TYW1B: variants seen among roughly 807,000 people sequenced by gnomAD.
TYW1B encodes tRNA-yW synthesizing protein 1 homolog B.
TYW1B carries 73 observed loss-of-function variants against 86.9 expected under a neutral mutation model. The ratio of observed to expected loss-of-function variants is 0.84; its 90% CI spans 0.70 to 1.02. The LOEUF (loss-of-function observed/expected upper bound fraction) is 1.02. Among genes scored for constraint, TYW1B ranks in the 50% least tolerant of loss-of-function variants. The pLI, the probability that TYW1B is intolerant of heterozygous loss-of-function variation, is 0.00. For synonymous variants in TYW1B, 248 were observed against 292.8 expected (o/e 0.85, Z 1.56); for missense variants, 637 against 827.4 (o/e 0.77, Z 2.82).
At chr7:72,824,577 C>T (rs1554481115) in intron 2 of TYW1B, among the ~76,000 whole-genome samples, 3 of 151,900 alleles carry the variant, frequency 2.0e-5, no homozygotes, top group South Asian at 4.2e-4. Flanking sequence ...CTCGTCTCTA[C>T]TAAAAATACA....
chr7:72,620,497 C>T (rs1488750531), intron 12 of TYW1B, among the ~76,000 whole-genome samples: 2 of 152,108 alleles, frequency 1.3e-5, no homozygotes, highest in Non-Finnish European at 2.9e-5. Flanking sequence ...GAGGCTGCAC[C>T]GTGACAGAAA....
chr7:72,722,975 T>G (rs1392953127), intron 9 of TYW1B: 2 of 700,268 alleles, frequency 2.9e-6, no homozygotes, highest in African/African-American at 3.6e-5. Context: ...CCAGATGCCC[T>G]GCACTGGATA....
At chr7:72,824,037 GCT>G (rs1226090348) in intron 2 of TYW1B, among the ~76,000 whole-genome samples, 1 of 151,916 alleles carries the variant, frequency 6.6e-6, no homozygotes, top group East Asian at 1.9e-4. Context: ...AAAGGACTTT[GCT>G]TTGGCTGCTC....
chr7:72,770,723 C>T (rs1554469391), intron 7 of TYW1B, among the ~76,000 whole-genome samples: 1 of 152,080 alleles, frequency 6.6e-6, no homozygotes, highest in Non-Finnish European at 1.5e-5. Flanking sequence ...GAAGAATGCA[C>T]ATAGTACTTT....
rs782533916 is a variant in TYW1B at position 72,802,513 on chromosome 7, G to C, written c.733C>G (p.Pro245Ala). The change falls in exon 6 of 14, where the codon CCC becomes GCC. Residue 245 changes from proline to alanine, a missense_variant. Physicochemically the swap from Pro to Ala is conservative, Grantham distance 27. Coordinates refer to ENST00000620995, the MANE Select transcript of TYW1B (RefSeq NM_001145440.3). ...TCTTCTTCACTGGAGCTCTCGAAGG[G>C]TTCTTCCTCCTGGAAGAGAAATGCT... ...LHHRDTKEEE[P>A]FESSSEEEFG... 7 of 1,613,626 alleles carry C rather than the reference G, an allele frequency of 4.3e-6. No homozygotes were observed. In the African/African-American group the frequency reaches 6.7e-5, roughly 15 times the overall value.
intron 6 of TYW1B, among the ~76,000 whole-genome samples, chr7:72,790,245 C>G (rs1554473171): frequency 6.6e-6 from 1 of 151,954 alleles, no homozygotes; most frequent in Non-Finnish European, 1.5e-5. Context: ...TGTGCCCGGC[C>G]AGGAGTATCT....
At chr7:72,822,560 A>G (rs2129572953) in intron 2 of TYW1B, among the ~76,000 whole-genome samples, 1 of 152,362 alleles carries the variant, frequency 6.6e-6, no homozygotes, top group South Asian at 2.1e-4. Context: ...ATGCTGGAAG[A>G]CAATGAAGCT....
In TYW1B at chr7:72,809,041, A is replaced by ATT. The variant is rs35685950; in HGVS notation, c.432+1428_432+1429dup. 5.0e-4 allele frequency among the ~76,000 whole-genome samples: 59 copies of ATT among 117,604 alleles called. 1 individual carries two copies. Among genetic ancestry groups the ATT allele is most frequent in the African/African-American group, 1.7e-3 (54 of 32,322 alleles). The allele number at this position is 117,604 out of a possible 152,430, so 77.2% of individuals were successfully genotyped here. A position where few individuals can be genotyped will look rare whatever the true frequency, so the allele number is the denominator to read the frequency against. On this transcript the variant is annotated intron_variant, in intron 4 of 13. Coordinates refer to ENST00000620995, the MANE Select transcript of TYW1B (RefSeq NM_001145440.3). The stretch of plus-strand genomic sequence containing the variant: ...CTCCATTTCCCTTGAAAAATTCATG[A>ATT]TTTTTTTTTTTTTTTTTTTGAGATG...
intron 8 of TYW1B, among the ~76,000 whole-genome samples, chr7:72,743,818 T>C (rs1293056356): frequency 7.1e-6 from 1 of 140,558 alleles, no homozygotes; most frequent in Non-Finnish European, 1.5e-5. Context: ...CCCTCCACCC[T>C]GGGCAACAAG....
At chr7:72,754,501 A>G (rs1554465653) in intron 7 of TYW1B, among the ~76,000 whole-genome samples, 1 of 151,858 alleles carries the variant, frequency 6.6e-6, no homozygotes, top group Admixed American at 6.6e-5. Context: ...CAGTGATGCA[A>G]TCTTAGCTCA....
chr7:72,701,322 C>G lies in TYW1B; in HGVS notation c.1371-6500G>C, dbSNP rs13237407. Among the ~76,000 whole-genome samples the G allele has an allele frequency of 7.2e-3, 1,092 of 152,138 alleles. 22 individuals are homozygous for G. The highest frequency in any genetic ancestry group is 0.025 in the African/African-American group (1,053 of 41,482). On this transcript the variant is annotated intron_variant, in intron 10 of 13. Transcript: ENST00000620995. ...TCTGTCCCCCAGGCTGGAGTGCAGT[C>G]GCATGATCATGGCTCACTGCAATCT...
chr7:72,765,190 A>C (rs570533840), intron 7 of TYW1B, among the ~76,000 whole-genome samples: 2 of 152,158 alleles, frequency 1.3e-5, no homozygotes, highest in Non-Finnish European at 2.9e-5. Flanking sequence ...CACGATCCTT[A>C]AGATTGTACG....
intron 10 of TYW1B, among the ~76,000 whole-genome samples, chr7:72,699,041 G>T (rs1423509579): frequency 6.7e-6 from 1 of 149,504 alleles, no homozygotes; most frequent in Admixed American, 6.6e-5. Context: ...GGGAACAGAA[G>T]ATGGATGAGA....
intron 11 of TYW1B, among the ~76,000 whole-genome samples, chr7:72,636,010 T>C (rs1267714486): frequency 1.2e-4 from 19 of 152,228 alleles, no homozygotes; most frequent in African/African-American, 4.3e-4. Flanking sequence ...AGCTAGTGGC[T>C]ACCATAATTA....
intron 5 of TYW1B, among the ~76,000 whole-genome samples, chr7:72,802,730 C>T (rs1788425210): frequency 6.6e-6 from 1 of 152,124 alleles, no homozygotes; most frequent in African/African-American, 2.4e-5. Flanking sequence ...AAGCGATTCT[C>T]CTGCCTCAGC....
At chr7:72,748,314 G>T (rs1787432091) in intron 7 of TYW1B, among the ~76,000 whole-genome samples, 1 of 151,996 alleles carries the variant, frequency 6.6e-6, no homozygotes, top group Admixed American at 6.6e-5. Flanking sequence ...CTTTGCTATT[G>T]TATCCTGTGA....
intron 11 of TYW1B, among the ~76,000 whole-genome samples, chr7:72,663,100 G>A (rs782401553): frequency 6.6e-6 from 1 of 150,380 alleles, no homozygotes; most frequent in Non-Finnish European, 1.5e-5. Flanking sequence ...ATGAATGGCC[G>A]TGAATGATTC....
chr7:72,819,841 G>T (rs1348937599), intron 2 of TYW1B, among the ~76,000 whole-genome samples: 5 of 152,108 alleles, frequency 3.3e-5, no homozygotes, highest in African/African-American at 1.2e-4. Context: ...AAGTCGAAAT[G>T]AAAGAAAAAA....
At chr7:72,654,251 C>T (rs571628295) in intron 11 of TYW1B, among the ~76,000 whole-genome samples, 29 of 152,266 alleles carry the variant, frequency 1.9e-4, no homozygotes, top group African/African-American at 6.3e-4. Flanking sequence ...AATCACAGAA[C>T]TTTATAGCAC....
Sources: gnomAD v4.1 joint callset for allele counts (sites outside exome capture counted in the v4.1 genomes callset) on GRCh38, gnomAD v4.1.1 for gene constraint, MANE v1.5 for transcripts, NCBI Gene and HGNC (gene_info 2026-07-23, HGNC 2026-07-21) for gene names.